Variants in HNRNPF observed in about 807,000 individuals in gnomAD.
The protein encoded by HNRNPF is HnRNP F protein.
In HNRNPF, 2 loss-of-function variants were observed where a neutral mutation model predicts 26.0. The ratio of observed to expected loss-of-function variants is 0.08; its 90% CI spans 0.03 to 0.24. HNRNPF has a LOEUF of 0.24. Ranked by LOEUF, HNRNPF falls within the 10% of genes least tolerant of loss-of-function variation. HNRNPF has a pLI of 1.00. For synonymous variants in HNRNPF, 234 were observed against 211.5 expected (o/e 1.11, Z -0.92); for missense variants, 299 against 539.2 (o/e 0.55, Z 4.41).
Position 43,386,279 on chromosome 10 carries a change from G to A in HNRNPF, c.*358C>T, listed in dbSNP as rs1229051224. The A allele has an allele frequency of 5.7e-6, 1 of 176,876 alleles. No homozygotes were observed. The highest frequency in any genetic ancestry group is 2.4e-5 in the African/African-American group (1 of 42,404). The allele number at this position is 176,876 out of a possible 1,614,324, so 11.0% of individuals were successfully genotyped here. On this transcript the variant is annotated 3_prime_UTR_variant, in exon 4 of 4. Coordinates refer to ENST00000682386, the MANE Select transcript of HNRNPF (RefSeq NM_001098204.2). ...ATGAGAAATATTTCTTTGAATCAGG[G>A]AGCTAGCACCTTTGAGTTTTCCAAA...
At chr10:43,396,628 G>C (rs1392168075) in intron 1 of HNRNPF, 38 bp from the exon 2 acceptor site, 2 of 152,184 alleles carry the variant, frequency 1.3e-5, no homozygotes, top group African/African-American at 4.8e-5. Context: ...GGTCCCTTCC[G>C]CAAGGTGGGA....
intron 1 of HNRNPF, among the ~76,000 whole-genome samples, chr10:43,402,894 C>CT (rs59258374): frequency 0.2 from 30,129 of 147,698 alleles, 4,063 homozygotes; most frequent in African/African-American, 0.39. Flanking sequence ...ATTATGATGG[C>CT]TTTTTTTTTT....
At chr10:43,407,542 T>TGGGGGAGC (rs1838965768) in intron 1 of HNRNPF, among the ~76,000 whole-genome samples, 4 of 151,192 alleles carry the variant, frequency 2.6e-5, no homozygotes, top group Admixed American at 2.0e-4. Flanking sequence ...ACTCTGCGGT[T>TGGGGGAGC]GGGGGAGCCG....
At chr10:43,405,129 T>C (rs941161514) in intron 1 of HNRNPF, among the ~76,000 whole-genome samples, 4 of 152,208 alleles carry the variant, frequency 2.6e-5, no homozygotes, top group African/African-American at 9.6e-5. Context: ...TTAGTCAAGA[T>C]CATGGAGAAA....
chr10:43,387,191 T>G lies in HNRNPF; in HGVS notation c.694A>C (p.Arg232=), dbSNP rs112815662. The change falls in exon 4 of 4, where the codon AGG becomes CGG. Residue 232 remains arginine (R), a synonymous_variant. Coordinates refer to ENST00000682386, the MANE Select transcript of HNRNPF (RefSeq NM_001098204.2). The surrounding 1 kb of genome is among the most constrained non-coding windows in gnomAD (Gnocchi z 6.0). ...TAGCCTGTGCTGTAGGCACCAGGCCTCATCCTTTCCAGGCCTGCCTGCTTC... is the reference window on the plus strand; with the variant it reads ...TAGCCTGTGCTGTAGGCACCAGGCCGCATCCTTTCCAGGCCTGCCTGCTTC... The part of the protein sequence containing the change: ...IVKQAGLERM[R]PGAYSTGYGG... 5.3e-4 allele frequency: 859 copies of G among 1,614,226 alleles called. No homozygotes were observed. Among genetic ancestry groups the G allele is most frequent in the Non-Finnish European group, 6.7e-4 (794 of 1,180,044 alleles).
At chr10:43,392,329 A>T (rs1201675824) in intron 3 of HNRNPF, among the ~76,000 whole-genome samples, 1 of 152,190 alleles carries the variant, frequency 6.6e-6, no homozygotes, top group Non-Finnish European at 1.5e-5. Context: ...TCATGAGGTC[A>T]GGAGATCGAG....
chr10:43,399,002 T>C (rs1215955240), intron 1 of HNRNPF, among the ~76,000 whole-genome samples: 1 of 152,202 alleles, frequency 6.6e-6, no homozygotes, highest in African/African-American at 2.4e-5. Flanking sequence ...AGAATTATGG[T>C]TATGTTATAA....
chr10:43,397,985 T>G (rs1838618909), intron 1 of HNRNPF, among the ~76,000 whole-genome samples: 1 of 152,226 alleles, frequency 6.6e-6, no homozygotes, highest in Non-Finnish European at 1.5e-5. Context: ...AGAGTTTCAT[T>G]ACACTTGTTT....
At chr10:43,406,552 G>C (rs1251435763) in intron 1 of HNRNPF, among the ~76,000 whole-genome samples, 2 of 152,122 alleles carry the variant, frequency 1.3e-5, no homozygotes, top group East Asian at 3.8e-4. Context: ...AAAATTTGCC[G>C]GGCGTGCTGG....
chr10:43,401,063 T>C (rs868638534), intron 1 of HNRNPF, among the ~76,000 whole-genome samples: 86 of 147,864 alleles, frequency 5.8e-4, no homozygotes, highest in African/African-American at 2.1e-3. Context: ...GCCTGGGCGA[T>C]AGAGCGAGAC....
intron 1 of HNRNPF, among the ~76,000 whole-genome samples, chr10:43,408,312 G>A (rs964110406): frequency 1.3e-5 from 2 of 152,136 alleles, no homozygotes; most frequent in Admixed American, 1.3e-4. Context: ...CTCAGCCCGC[G>A]GTGCTCACCG....
chr10:43,387,361 C>T lies in HNRNPF; in HGVS notation c.524G>A (p.Arg175Lys). 1 of 1,614,224 alleles carries T rather than the reference C, an allele frequency of 6.2e-7. No homozygotes were observed. Among genetic ancestry groups the T allele is most frequent in the Non-Finnish European group, 8.5e-7 (1 of 1,180,044 alleles). ...CACCTCAATGTACCTGTGCCCTATC[C>T]TCTCCTTGTGTTTCCCTAGAGCCTT... is the stretch of plus-strand genomic sequence containing the variant. ...AEKALGKHKE[R>K]IGHRYIEVFK... is the part of the protein sequence containing the mutation. Residue 175 changes from arginine (R) to lysine (K), a missense_variant, in exon 4 of 4, where the codon AGG becomes AAG. Arg to Lys is a conservative substitution (Grantham distance 26). This residue lies in a region of HNRNPF where 104 missense variants were observed against 239.0 expected (regional missense o/e 0.44). Transcript: ENST00000682386. The surrounding 1 kb of genome is among the most constrained non-coding windows in gnomAD (Gnocchi z 6.0).
intron 2 of HNRNPF, among the ~76,000 whole-genome samples, chr10:43,396,022 G>C (rs1056893587): frequency 6.6e-6 from 1 of 151,612 alleles, no homozygotes; most frequent in Admixed American, 6.6e-5. Context: ...GAGCTTGCAC[G>C]GGGGCCACCT....
In HNRNPF at chr10:43,393,901, ACT is replaced by A. The variant is rs141759792; in HGVS notation, c.-53+727_-53+728del. On this transcript the variant is annotated intron_variant, in intron 3 of 3. Transcript: ENST00000682386. ...CATGGTTAATTCTCTCCCCAAATAT[ACT>A]CTGTTCAACCTTCTGTCTACCTAAA... Among the ~76,000 whole-genome samples the A allele has an allele frequency of 3.9e-3, 591 of 152,118 alleles. 4 individuals are homozygous for A. The highest frequency in any genetic ancestry group is 0.014 in the African/African-American group (576 of 41,466).
intron 3 of HNRNPF, among the ~76,000 whole-genome samples, chr10:43,392,295 C>T (rs1282005697): frequency 2.0e-5 from 3 of 152,172 alleles, no homozygotes; most frequent in Admixed American, 2.0e-4. Flanking sequence ...AATCCCAGCA[C>T]TTTGGGAGGC....
At chr10:43,399,563 A>G (rs1391848286) in intron 1 of HNRNPF, among the ~76,000 whole-genome samples, 1 of 152,236 alleles carries the variant, frequency 6.6e-6, no homozygotes, top group Non-Finnish European at 1.5e-5. Context: ...GTGGGAAGGC[A>G]TTTAATGGAA....
chr10:43,387,498 C>T lies in HNRNPF; in HGVS notation c.387G>A (p.Gln129=), dbSNP rs769749898. 2 of 1,614,210 alleles carry T rather than the reference C, an allele frequency of 1.2e-6. No homozygotes were observed. Among genetic ancestry groups the T allele is most frequent in the Non-Finnish European group, 1.7e-6 (2 of 1,180,042 alleles). Residue 129 remains glutamine (Q), a synonymous_variant, in exon 4 of 4, where the codon CAG becomes CAA. Coordinates refer to ENST00000682386, the MANE Select transcript of HNRNPF (RefSeq NM_001098204.2). The surrounding 1 kb of genome is among the most constrained non-coding windows in gnomAD (Gnocchi z 6.0). ...PFGCTKEEIV[Q]FFSGLEIVPN... is the part of the protein sequence containing the mutation. ...GCACAATTTCCAACCCTGAGAAGAA[C>T]TGAACAATTTCTTCCTTTGTGCATC...
intron 1 of HNRNPF, among the ~76,000 whole-genome samples, chr10:43,402,434 G>C (rs1838782184): frequency 6.6e-6 from 1 of 152,038 alleles, no homozygotes; most frequent in South Asian, 2.1e-4. Context: ...TTCTCCTTCT[G>C]GAATTCCTAC....
intron 1 of HNRNPF, among the ~76,000 whole-genome samples, chr10:43,407,045 A>G (rs1352275771): frequency 6.6e-6 from 1 of 152,268 alleles, no homozygotes; most frequent in East Asian, 1.9e-4. Context: ...GAATTCAGAG[A>G]CAACCACGTA....
Sources: gnomAD v4.1 joint callset for allele counts (sites outside exome capture counted in the v4.1 genomes callset) on GRCh38, gnomAD v4.1.1 for gene constraint, gnomAD v4.1.1 regional missense constraint, Gnocchi (gnomAD v3.1) non-coding constraint, MANE v1.5 for transcripts, NCBI Gene and HGNC (gene_info 2026-07-23, HGNC 2026-07-21) for gene names.